The following CTSC variants were observed in gnomAD, a reference collection of about 807,000 sequenced individuals.
CTSC encodes dipeptidyl peptidase 1.
A neutral mutation model predicts 40.9 loss-of-function variants in CTSC; 37 were observed. The observed-to-expected ratio is 0.91, with a 90% CI of 0.70 to 1.19. The LOEUF is 1.19. CTSC is among the 50% of genes most tolerant of loss of function. CTSC has a pLI of 0.00. For missense variants in CTSC, 594 were observed against 567.3 expected, an observed-to-expected ratio of 1.05 and a Z score of -0.48; for synonymous variants, 232 against 207.4, an observed-to-expected ratio of 1.12 and a Z score of -1.02.
intron 2 of CTSC, chr11:88,325,741 C>A (rs1938163494): frequency 2.0e-6 from 2 of 985,240 alleles, no homozygotes; most frequent in Non-Finnish European, 2.4e-6. Flanking sequence ...ATCTTTCTGG[C>A]CAGAGGTACT....
At chr11:88,316,501 A>AAATAAATGAATGAATGAATG (rs1211606419) in intron 2 of CTSC, among the ~76,000 whole-genome samples, 2 of 140,822 alleles carry the variant, frequency 1.4e-5, no homozygotes, top group African/African-American at 4.9e-5. Context: ...ATAAATAAAT[A>AAATAAATGAATGAATGAATG]AATGAAGCAG....
intron 2 of CTSC, among the ~76,000 whole-genome samples, chr11:88,333,829 T>A: frequency 6.6e-6 from 1 of 152,160 alleles, no homozygotes; most frequent in Admixed American, 6.5e-5. Flanking sequence ...TTCCACCAGC[T>A]GCATATCACA....
intron 1 of CTSC, 29 bp from the exon 2 acceptor site, chr11:88,335,111 AG>A (rs1464456215): frequency 6.8e-7 from 1 of 1,470,850 alleles, no homozygotes; most frequent in Non-Finnish European, 9.4e-7. Context: ...AGCACAATAA[AG>A]GAAAATTATT....
At chr11:88,294,535 C>T (rs375577224) in intron 6 of CTSC, 27 bp from the exon 7 acceptor site, 1 of 1,613,270 alleles carries the variant, frequency 6.2e-7, no homozygotes, top group African/African-American at 1.3e-5. Flanking sequence ...CACATGGTTA[C>T]CCCTTAGTAG....
In CTSC at chr11:88,294,223, C is replaced by A; in HGVS notation, c.1175G>T (p.Gly392Val). 6.2e-7 allele frequency: 1 copy of A among 1,613,966 alleles called. No individual in the cohort carries two copies. Among genetic ancestry groups the A allele is most frequent in the South Asian group, 1.1e-5 (1 of 91,074 alleles). Residue 392 changes from glycine (G) to valine (V), a missense_variant, in exon 7 of 7, where the codon GGT becomes GTT. Coordinates refer to ENST00000227266, the MANE Select transcript of CTSC (RefSeq NM_001814.6). ...HYKKGIYHHT[G>V]LRDPFNPFEL... ...AAAGGGGTTGAAAGGGTCTCTTAGACCAGTGTGGTGGTAGATCCCCTTTTT... is the reference window on the plus strand; with the variant it reads ...AAAGGGGTTGAAAGGGTCTCTTAGAACAGTGTGGTGGTAGATCCCCTTTTT...
At chr11:88,321,058 T>G in intron 2 of CTSC, 1 of 984,642 alleles carries the variant, frequency 1.0e-6, no homozygotes, top group Non-Finnish European at 1.2e-6. Context: ...TCTTCCATAA[T>G]AAAAGCATGT....
At chr11:88,328,160 G>A in intron 2 of CTSC, 1 of 1,613,620 alleles carries the variant, frequency 6.2e-7, no homozygotes, top group South Asian at 1.1e-5. Flanking sequence ...ACAGTTCCCA[G>A]CTGCATGAAC....
At chr11:88,336,495 CGCCACTGAACTACA>C (rs1306012469) in intron 1 of CTSC, among the ~76,000 whole-genome samples, 1 of 149,816 alleles carries the variant, frequency 6.7e-6, no homozygotes, top group Non-Finnish European at 1.5e-5. Flanking sequence ...GCCGAGATCC[CGCCACTGAACTACA>C]GCCTGGGTGA....
chr11:88,336,733 A>G lies in CTSC; in HGVS notation c.172+768T>C, dbSNP rs530272630. Among the ~76,000 whole-genome samples the G allele has an allele frequency of 2.0e-5, 3 of 152,170 alleles. No individual in the cohort carries two copies. In the East Asian group the frequency reaches 5.8e-4, roughly 29 times the overall value. On this transcript the variant is annotated intron_variant, in intron 1 of 6. Coordinates refer to ENST00000227266, the MANE Select transcript of CTSC (RefSeq NM_001814.6). Reference sequence around the variant, plus strand: ...GGTAGACCACAGTGTGACTCTTCTAACTAGTGATTGTCTTTTTTCCACCCC... The same window carrying G: ...GGTAGACCACAGTGTGACTCTTCTAGCTAGTGATTGTCTTTTTTCCACCCC...
Position 88,309,313 on chromosome 11 carries a change from G to C in CTSC, c.491C>G (p.Ser164Cys). ...GTGATCATACTTGTAGAGCCTATTA[G>C]AATACCTGTCCCCAAAAATGAGATA... ...AHLKNSQEKY[S>C]NRLYKYDHNF... Residue 164 changes from serine (S) to cysteine (C), a missense_variant, in exon 4 of 7, where the codon TCT becomes TGT. Coordinates refer to ENST00000227266, the MANE Select transcript of CTSC (RefSeq NM_001814.6). The C allele has an allele frequency of 6.2e-7, 1 of 1,612,878 alleles. No individual in the cohort carries two copies. The highest frequency in any genetic ancestry group is 1.1e-5 in the South Asian group (1 of 91,070).
intron 2 of CTSC, among the ~76,000 whole-genome samples, chr11:88,333,302 C>T (rs1265247032): frequency 2.0e-5 from 3 of 152,140 alleles, no homozygotes; most frequent in Admixed American, 1.3e-4. Flanking sequence ...TTACCTATTC[C>T]TCATCTCCTA....
At chr11:88,296,094 T>C (rs1284057668) in intron 6 of CTSC, 39 bp downstream of exon 6, 1 of 1,610,792 alleles carries the variant, frequency 6.2e-7, no homozygotes. Context: ...TGCACACAGG[T>C]AAATAGCTCA....
At chr11:88,335,752 A>G (rs1382839227) in intron 1 of CTSC, among the ~76,000 whole-genome samples, 2 of 152,244 alleles carry the variant, frequency 1.3e-5, no homozygotes, top group Non-Finnish European at 2.9e-5. Context: ...ATGCTAGTCA[A>G]AAGTGGGAAA....
rs777000878 is a variant in CTSC, at chr11:88,312,479, G to A, written c.394C>T (p.Arg132Trp). ...MTGWVHDVLG[R>W]NWACFTGKKV... ...TTTCCGGTGAAACAAGCCCAGTTCC[G>A]GCCCAACACATCATGCACCCACCCA... The change falls in exon 3 of 7, where the codon CGG (arginine) becomes TGG (tryptophan). Residue 132 changes from arginine (R) to tryptophan (W), a missense_variant. Physicochemically the swap from Arg to Trp is moderately radical, Grantham distance 101. Coordinates refer to ENST00000227266, the MANE Select transcript of CTSC (RefSeq NM_001814.6). 13 of 1,614,074 alleles carry A rather than the reference G, an allele frequency of 8.1e-6. No homozygotes were observed. Among genetic ancestry groups the A allele is most frequent in the Middle Eastern group, 1.6e-4 (1 of 6,062 alleles).
chr11:88,304,051 C>T (rs935033506), intron 4 of CTSC, among the ~76,000 whole-genome samples: 4 of 151,684 alleles, frequency 2.6e-5, no homozygotes, highest in African/African-American at 9.7e-5. Context: ...TATGTGTTAA[C>T]TAGTTGTCTT....
intron 4 of CTSC, 104 bp from the exon 5 acceptor site, chr11:88,300,749 G>C: frequency 2.6e-6 from 2 of 774,940 alleles, no homozygotes; most frequent in South Asian, 2.9e-5. Context: ...AGACTAGCTA[G>C]GATCTAGATT....
At chr11:88,329,869 G>C (rs954708746) in intron 2 of CTSC, among the ~76,000 whole-genome samples, 1 of 152,166 alleles carries the variant, frequency 6.6e-6, no homozygotes, top group Non-Finnish European at 1.5e-5. Flanking sequence ...TGGGACTACA[G>C]GCGTGCGCTG....
chr11:88,329,455 CAAAAAAAAAAAAAAAAAA>C (rs34568364), intron 2 of CTSC, among the ~76,000 whole-genome samples: 2,072 of 67,948 alleles, frequency 0.03, 79 homozygotes, highest in African/African-American at 0.11. Flanking sequence ...GACTCCATTT[CAAAAAAAAAAAAAAAAAA>C]AAAAAAAAAA....
chr11:88,326,865 G>A lies in CTSC; in HGVS notation c.318+8072C>T, dbSNP rs921240494. On this transcript the variant is annotated intron_variant, in intron 2 of 6. Transcript: ENST00000227266. ...CCCATTTACACAACAAATTACCAGGGTTTATCTTTTCTACTGGTGGAGCGG... is the reference window on the plus strand; with the variant it reads ...CCCATTTACACAACAAATTACCAGGATTTATCTTTTCTACTGGTGGAGCGG... Among the ~76,000 whole-genome samples the A allele has an allele frequency of 3.3e-5, 5 of 152,126 alleles. No individual in the cohort carries two copies. The South Asian group carries it at 1.0e-3, about 31-fold the overall frequency.
Sources: allele counts gnomAD v4.1 joint callset (sites outside exome capture counted in the v4.1 genomes callset), GRCh38; gene constraint gnomAD v4.1.1; transcripts MANE v1.5; gene names NCBI Gene and HGNC (gene_info 2026-07-23, HGNC 2026-07-21).